The following IDNK variants were observed in gnomAD, a reference collection of about 807,000 sequenced individuals.
The protein encoded by IDNK is IDNK gluconokinase.
In IDNK, 9 loss-of-function variants were observed where a neutral mutation model predicts 13.0. The ratio of observed to expected loss-of-function variants is 0.69; its 90% CI spans 0.42 to 1.21. The LOEUF is 1.21. IDNK is among the 50% of genes most tolerant of loss of function. The probability of loss-of-function intolerance (pLI) is 0.00; values close to 1 mark genes in which losing one functional copy is unlikely to be tolerated. For synonymous variants in IDNK, 92 were observed against 94.9 expected (o/e 0.97, Z 0.18); for missense variants, 210 against 237.8 (o/e 0.88, Z 0.77).
chr9:83,626,877 GT>G lies in IDNK; in HGVS notation c.51-1302del, dbSNP rs574601732. The G allele has an allele frequency of 1.9e-4, 206 of 1,085,066 alleles. 1 individual carries two copies. In the African/African-American group the frequency reaches 3.4e-3, roughly 18 times the overall value. The allele number at this position is 1,085,066 out of a possible 1,614,324, so 67.2% of individuals were successfully genotyped here. A position where few individuals can be genotyped will look rare whatever the true frequency, so the allele number is the denominator to read the frequency against. On this transcript the variant is annotated intron_variant, in intron 1 of 4. Coordinates refer to ENST00000376419, the MANE Select transcript of IDNK (RefSeq NM_001001551.4). ...GGTTTCACTGCTCTCGCAACCTTTG[GT>G]TACATCCAGGAGCAGATCTCAGTTT... is the stretch of plus-strand genomic sequence containing the variant.
In IDNK at chr9:83,623,480, A is replaced by C. The variant is rs1052165746; in HGVS notation, c.50+259A>C. On this transcript the variant is annotated intron_variant, in intron 1 of 4. Coordinates refer to ENST00000376419, the MANE Select transcript of IDNK (RefSeq NM_001001551.4). ...GGGAGGCTGCGGCGACCGCAGGCTC[A>C]GGGAGGAAGCCGCTCCTGAACAGGC... The C allele has an allele frequency of 3.5e-5, 16 of 459,968 alleles. No individual in the cohort carries two copies. In the Middle Eastern group the frequency reaches 9.9e-4, roughly 29 times the overall value. 28.5% of individuals were successfully genotyped at this position (459,968 alleles called of 1,614,324 possible).
chr9:83,643,478 A>G lies in IDNK; in HGVS notation c.262A>G (p.Lys88Glu). 2 of 1,613,870 alleles carry G rather than the reference A, an allele frequency of 1.2e-6. No homozygotes were observed. Among genetic ancestry groups the G allele is most frequent in the Non-Finnish European group, 1.7e-6 (2 of 1,179,914 alleles). The change falls in exon 5 of 5, where the codon AAA becomes GAA. Residue 88 changes from lysine to glutamate, a missense_variant. Coordinates refer to ENST00000376419, the MANE Select transcript of IDNK (RefSeq NM_001001551.4). The part of the protein sequence containing the change: ...RVVLACSALK[K>E]TYRDILTQGK... ...GGTTCTAGCCTGTTCAGCCCTGAAG[A>G]AAACGTACAGAGACATATTAACACA...
chr9:83,628,158 G>C (rs944970722), intron 1 of IDNK, 23 bp from the exon 2 acceptor site: 50 of 1,550,368 alleles, frequency 3.2e-5, no homozygotes, highest in Middle Eastern at 3.3e-4. Context: ...GCAGTAACGG[G>C]AACATCTGTG....
At chr9:83,627,257 C>T (rs1830879492) in intron 1 of IDNK, among the ~76,000 whole-genome samples, 1 of 152,206 alleles carries the variant, frequency 6.6e-6, no homozygotes, top group African/African-American at 2.4e-5. Flanking sequence ...ACACTTTAAA[C>T]ATTGAAAGCG....
intron 4 of IDNK, among the ~76,000 whole-genome samples, chr9:83,642,523 GGCTTCATTTTTATATTT>G (rs1831339019): frequency 6.6e-6 from 1 of 150,534 alleles, no homozygotes; most frequent in East Asian, 2.0e-4. Context: ...AAAGGAGTAT[GGCTTCATTTTTATATTT>G]GCTAGCCATG....
upstream of IDNK, chr9:83,623,077 C>G (rs1418589228): frequency 1.9e-6 from 2 of 1,038,502 alleles, no homozygotes; most frequent in Non-Finnish European, 2.6e-6. Flanking sequence ...CCCTCACTGC[C>G]CCGGCCGGGG....
intron 3 of IDNK, among the ~76,000 whole-genome samples, chr9:83,630,915 C>T (rs1167770326): frequency 6.6e-6 from 1 of 151,226 alleles, no homozygotes; most frequent in Non-Finnish European, 1.5e-5. Context: ...TAAATTTTTT[C>T]AGAAAAAAAA....
chr9:83,631,124 CCACCCTCCCCG>C, intron 3 of IDNK, among the ~76,000 whole-genome samples: 1 of 152,172 alleles, frequency 6.6e-6, no homozygotes, highest in South Asian at 2.1e-4. Context: ...TAACCGGTCC[CCACCCTCCCCG>C]CACTGCCCCC....
At chr9:83,639,530 A>G (rs1322407417) in intron 3 of IDNK, among the ~76,000 whole-genome samples, 1 of 152,254 alleles carries the variant, frequency 6.6e-6, no homozygotes, top group African/African-American at 2.4e-5. Flanking sequence ...CAAAATAAAA[A>G]TAGATCTCTG....
chr9:83,642,304 TTATAA>T (rs1831333483), intron 4 of IDNK, among the ~76,000 whole-genome samples: 1 of 152,084 alleles, frequency 6.6e-6, no homozygotes. Context: ...CCATACGAAG[TTATAA>T]TATACTTAAA....
chr9:83,634,200 G>A (rs1467071997), intron 3 of IDNK, among the ~76,000 whole-genome samples: 1 of 152,182 alleles, frequency 6.6e-6, no homozygotes, highest in African/African-American at 2.4e-5. Flanking sequence ...TCAAAGTGCT[G>A]CTCTTTTATT....
At chr9:83,634,684 G>A (rs1831117187) in intron 3 of IDNK, among the ~76,000 whole-genome samples, 1 of 152,156 alleles carries the variant, frequency 6.6e-6, no homozygotes, top group Non-Finnish European at 1.5e-5. Context: ...CACAGCACAA[G>A]CAAATAGAAA....
At chr9:83,641,327 G>A (rs1207182010) in intron 3 of IDNK, among the ~76,000 whole-genome samples, 3 of 152,182 alleles carry the variant, frequency 2.0e-5, no homozygotes, top group South Asian at 2.1e-4. Context: ...TGGTACTTTA[G>A]GGCAATTTTT....
chr9:83,641,638 G>A, intron 4 of IDNK, 47 bp downstream of exon 4: 3 of 1,586,864 alleles, frequency 1.9e-6, no homozygotes, highest in South Asian at 2.2e-5. Flanking sequence ...AGCAGGTAAA[G>A]AAAACCCTCA....
chr9:83,632,445 G>A (rs1266489791), intron 3 of IDNK, among the ~76,000 whole-genome samples: 2 of 151,534 alleles, frequency 1.3e-5, no homozygotes, highest in East Asian at 1.9e-4. Context: ...TTTGCGTGTA[G>A]GGACTATCTA....
chr9:83,639,191 A>G (rs1831237464), intron 3 of IDNK, among the ~76,000 whole-genome samples: 1 of 152,232 alleles, frequency 6.6e-6, no homozygotes, highest in Admixed American at 6.5e-5. Context: ...AATTTTTTAA[A>G]AAATTAACAT....
chr9:83,635,694 G>A (rs1172467718), intron 3 of IDNK, among the ~76,000 whole-genome samples: 2 of 152,236 alleles, frequency 1.3e-5, no homozygotes, highest in Non-Finnish European at 2.9e-5. Context: ...AACCCTTAGA[G>A]AACAATCTTA....
chr9:83,628,325 A>G, intron 2 of IDNK, 114 bp downstream of exon 2: 1 of 931,826 alleles, frequency 1.1e-6, no homozygotes, highest in Non-Finnish European at 1.7e-6. Context: ...TTTGAACCCC[A>G]CTGGAGCAAT....
chr9:83,626,615 C>A, intron 1 of IDNK: 1 of 866,116 alleles, frequency 1.2e-6, no homozygotes, highest in Non-Finnish European at 1.6e-6. Context: ...CGGGGTTTTG[C>A]CATGTTGGCC....
Sources: gnomAD v4.1 joint callset for allele counts (sites outside exome capture counted in the v4.1 genomes callset) on GRCh38, gnomAD v4.1.1 for gene constraint, MANE v1.5 for transcripts, NCBI Gene and HGNC (gene_info 2026-07-23, HGNC 2026-07-21) for gene names.